The following SRP54 variants were observed in gnomAD, a reference collection of about 807,000 sequenced individuals.
The protein encoded by SRP54 is signal recognition particle 54.
SRP54 carries 10 observed loss-of-function variants against 64.8 expected under a neutral mutation model. The ratio of observed to expected loss-of-function variants is 0.15; its 90% CI spans 0.10 to 0.26. The LOEUF (loss-of-function observed/expected upper bound fraction) is 0.26. Among genes scored for constraint, SRP54 ranks in the 10% least tolerant of loss-of-function variants. The pLI is 1.00. For missense variants in SRP54, 325 were observed against 613.7 expected (o/e 0.53, Z 4.97); for synonymous variants, 193 against 185.6 (o/e 1.04, Z -0.32).
At chr14:35,011,850 TA>T (rs2044361620) in intron 8 of SRP54, among the ~76,000 whole-genome samples, 191 bp downstream of exon 8, 1 of 152,236 alleles carries the variant, frequency 6.6e-6, no homozygotes, top group African/African-American at 2.4e-5. Flanking sequence ...CCATTAAATA[TA>T]AAATTTTCAT....
At chr14:35,022,872 T>C (rs771010813) in intron 13 of SRP54, 38 bp from the exon 14 acceptor site, 1 of 1,531,544 alleles carries the variant, frequency 6.5e-7, no homozygotes, top group African/African-American at 1.4e-5. Context: ...TGATGGTGAA[T>C]GATAATTGTG....
chr14:35,026,055 C>CAA (rs564680386), intron 14 of SRP54, among the ~76,000 whole-genome samples: 41 of 99,624 alleles, frequency 4.1e-4, no homozygotes, highest in South Asian at 9.0e-4. Flanking sequence ...GAGCCTGTCT[C>CAA]AAAAAAAAAA....
chr14:34,998,027 A>G (rs1174171206), intron 2 of SRP54, among the ~76,000 whole-genome samples: 1 of 152,064 alleles, frequency 6.6e-6, no homozygotes. Context: ...TCTGTTCTTG[A>G]TACTGTGCTG....
rs1331145176 is a variant in SRP54 at position 35,019,089 on chromosome 14, T to A, written c.1156+15T>A. 2 of 1,581,792 alleles carry A rather than the reference T, an allele frequency of 1.3e-6. No homozygotes were observed. Among genetic ancestry groups the A allele is most frequent in the Non-Finnish European group, 1.7e-6 (2 of 1,151,860 alleles). On this transcript the variant is annotated intron_variant, in intron 13 of 15. Coordinates refer to ENST00000216774, the MANE Select transcript of SRP54 (RefSeq NM_003136.4). The stretch of plus-strand genomic sequence containing the variant: ...GAATGATCAAGGTAAGATGGCAGAT[T>A]ATTTTCCTCAGGCAAAAATGTTCTG...
At position 35,014,785 on chromosome 14, in the gene SRP54, T is replaced by C; in HGVS notation, c.928T>C (p.Leu310=). 1 of 1,613,912 alleles carries C rather than the reference T, an allele frequency of 6.2e-7. No individual in the cohort carries two copies. Among genetic ancestry groups the C allele is most frequent in the Non-Finnish European group, 8.5e-7 (1 of 1,179,966 alleles). Residue 310 remains leucine (L), a synonymous_variant, in exon 11 of 16, where the codon TTG becomes CTG. Coordinates refer to ENST00000216774, the MANE Select transcript of SRP54 (RefSeq NM_003136.4). The part of the protein sequence containing the change: ...IEGLIDKVNE[L]KLDDNEALIE... ...AGGACTGATAGATAAAGTCAACGAG[T>C]TGAAGTTGGATGACAATGAAGCACT...
intron 14 of SRP54, 34 bp from the exon 15 acceptor site, chr14:35,028,054 C>G (rs367950533): frequency 4.1e-6 from 6 of 1,473,864 alleles, no homozygotes; most frequent in African/African-American, 1.4e-5. Context: ...TTACCTCCTA[C>G]GCTGACTCAA....
rs542684804 is a variant in SRP54 at position 35,000,879 on chromosome 14, A to G, written c.171-57A>G. 4.4e-6 allele frequency: 4 copies of G among 905,258 alleles called. No homozygotes were observed. The Admixed American group carries it at 8.5e-5, about 19-fold the overall frequency. 56.1% of individuals were successfully genotyped at this position (905,258 alleles called of 1,614,324 possible). On this transcript the variant is annotated intron_variant, in intron 3 of 15. Transcript: ENST00000216774. The stretch of plus-strand genomic sequence containing the variant: ...TTTGGAGCAGAAGCTTCTTTTTCTT[A>G]GAGTTTCTTAACTGATTTTCTCCTC...
Position 35,013,494 on chromosome 14 carries a change from C to T in SRP54, c.785C>T (p.Ala262Val). ...GCAAAAGGAGGTGGTGCACTCAGTG[C>T]GTAAGTATCATTGATACTGTTGTCC... ...GHAKGGGALS[A>V]VAATKSPIIF... Residue 262 changes from alanine (A) to valine (V), a missense_variant and splice_region_variant, in exon 9 of 16, where the codon GCA becomes GTA. Around this residue, in one of 3 missense-constraint regions of SRP54, gnomAD observed 146 missense variants for 337.4 expected, o/e 0.43. Coordinates refer to ENST00000216774, the MANE Select transcript of SRP54 (RefSeq NM_003136.4). 2 of 1,613,508 alleles carry T rather than the reference C, an allele frequency of 1.2e-6. No individual in the cohort carries two copies. Among genetic ancestry groups the T allele is most frequent in the Non-Finnish European group, 1.7e-6 (2 of 1,179,790 alleles).
chr14:35,018,102 T>TA (rs1206863910), intron 11 of SRP54, among the ~76,000 whole-genome samples: 1 of 152,186 alleles, frequency 6.6e-6, no homozygotes, highest in Admixed American at 6.5e-5. Flanking sequence ...ACAACCCTCT[T>TA]AAAAAAATAA....
At chr14:35,005,712 T>A (rs2044246452) in intron 4 of SRP54, among the ~76,000 whole-genome samples, 1 of 152,162 alleles carries the variant, frequency 6.6e-6, no homozygotes. Flanking sequence ...CATTGAAACT[T>A]TATTTGCACA....
chr14:34,999,927 AT>A (rs569055968), intron 3 of SRP54: 227 of 206,368 alleles, frequency 1.1e-3, no homozygotes, highest in African/African-American at 5.0e-3. Flanking sequence ...ACTGTATAGT[AT>A]TTTAATATAT....
In SRP54 at chr14:35,022,991, C is replaced by T. The variant is rs2044559311; in HGVS notation, c.1238C>T (p.Ser413Leu). 6.2e-7 allele frequency: 1 copy of T among 1,613,690 alleles called. No homozygotes were observed. The highest frequency in any genetic ancestry group is 8.5e-7 in the Non-Finnish European group (1 of 1,179,936). ...IQRVARGSGV[S>L]TRDVQELLTQ... The stretch of plus-strand genomic sequence containing the variant: ...AGAGTAGCAAGAGGATCGGGTGTAT[C>T]AACAAGAGATGTTCAAGAACTTTTG... The change falls in exon 14 of 16, where the codon TCA becomes TTA. Residue 413 changes from serine to leucine, a missense_variant. Around this residue, in one of 3 missense-constraint regions of SRP54, gnomAD observed 146 missense variants for 337.4 expected, o/e 0.43. Coordinates refer to ENST00000216774, the MANE Select transcript of SRP54 (RefSeq NM_003136.4).
chr14:35,022,205 G>A (rs2044542733), intron 13 of SRP54, among the ~76,000 whole-genome samples: 1 of 151,906 alleles, frequency 6.6e-6, no homozygotes, highest in South Asian at 2.1e-4. Context: ...TGGAGGGCCT[G>A]GAGAGGGTAG....
chr14:35,021,959 A>C (rs1348167024), intron 13 of SRP54, among the ~76,000 whole-genome samples: 4 of 152,216 alleles, frequency 2.6e-5, no homozygotes, highest in African/African-American at 7.2e-5. Flanking sequence ...CTGATATTCT[A>C]AGAGTGATCA....
At chr14:35,027,478 C>G (rs1334515432) in intron 14 of SRP54, among the ~76,000 whole-genome samples, 1 of 152,166 alleles carries the variant, frequency 6.6e-6, no homozygotes, top group African/African-American at 2.4e-5. Context: ...TGCTGGCTGA[C>G]CAGGTACGGT....
Position 35,026,706 on chromosome 14 carries a change from A to T in SRP54, c.1328-1382A>T, listed in dbSNP as rs1249418885. On this transcript the variant is annotated intron_variant, in intron 14 of 15. Coordinates refer to ENST00000216774, the MANE Select transcript of SRP54 (RefSeq NM_003136.4). Reference sequence around the variant, plus strand: ...ACGCCTGTAATCCCAGCACTTTGGGAGGCCAAGGCGGGCAGATCATGAGGT... The same window carrying T: ...ACGCCTGTAATCCCAGCACTTTGGGTGGCCAAGGCGGGCAGATCATGAGGT... Among the ~76,000 whole-genome samples, 6 of 152,330 alleles carry T rather than the reference A, an allele frequency of 3.9e-5. No homozygotes were observed. In the East Asian group the frequency reaches 9.7e-4, roughly 25 times the overall value.
intron 15 of SRP54, 119 bp downstream of exon 15, chr14:35,028,302 G>A (rs1457548953): frequency 3.3e-6 from 2 of 602,924 alleles, no homozygotes; most frequent in Admixed American, 3.4e-5. Flanking sequence ...TGATTTCAGG[G>A]AAATGGTCAT....
chr14:34,992,995 G>A (rs2044005604), intron 1 of SRP54, among the ~76,000 whole-genome samples: 2 of 151,946 alleles, frequency 1.3e-5, no homozygotes, highest in South Asian at 4.2e-4. Context: ...GAGTAGCTGG[G>A]ACTACCGGAG....
intron 1 of SRP54, among the ~76,000 whole-genome samples, chr14:34,985,183 A>G (rs1433181725): frequency 6.6e-6 from 1 of 152,196 alleles, no homozygotes; most frequent in Admixed American, 6.5e-5. Context: ...AGAGACAAAA[A>G]TTAGCCAGGC....
Sources: allele counts gnomAD v4.1 joint callset (sites outside exome capture counted in the v4.1 genomes callset), GRCh38; gene constraint gnomAD v4.1.1; regional missense constraint gnomAD v4.1.1; transcripts MANE v1.5; gene names NCBI Gene and HGNC (gene_info 2026-07-23, HGNC 2026-07-21).